The following PRPF8 variants were observed in gnomAD, a reference collection of about 807,000 sequenced individuals.
PRPF8 encodes pre-mRNA-processing-splicing factor 8.
A neutral mutation model predicts 285.9 loss-of-function variants in PRPF8; 64 were observed. That is an observed-to-expected ratio of 0.22 (90% CI 0.18 to 0.28). The LOEUF (loss-of-function observed/expected upper bound fraction) is 0.28, where lower values mean the gene tolerates loss of function less well. PRPF8 is among the 10% of genes least tolerant of loss of function. PRPF8 has a pLI of 1.00. For missense variants in PRPF8, 1,426 were observed against 3,026.7 expected (o/e 0.47, Z 12.41); for synonymous variants, 1,325 against 1,118.2 (o/e 1.18, Z -3.69).
rs774599274 is a variant in PRPF8 at position 1,676,381 on chromosome 17, G to A, written c.2389-11C>T. 8 of 1,614,076 alleles carry A rather than the reference G, an allele frequency of 5.0e-6. 1 individual carries two copies. The South Asian group carries it at 8.8e-5, about 18-fold the overall frequency. Reference sequence around the variant, plus strand: ...GATGTAAGGCCCGTCCTGTAAGGTGGACATGAAATTAGCCTCCCGCTACAG... The same window carrying A: ...GATGTAAGGCCCGTCCTGTAAGGTGAACATGAAATTAGCCTCCCGCTACAG... On this transcript the variant is annotated splice_polypyrimidine_tract_variant and intron_variant, in intron 16 of 42. Coordinates refer to ENST00000304992, the MANE Select transcript of PRPF8 (RefSeq NM_006445.4). This position sits in a 1 kb window ranked among gnomAD's most constrained non-coding sequence, Gnocchi z 6.3.
intron 24 of PRPF8, among the ~76,000 whole-genome samples, chr17:1,665,760 CG>C (rs894294847): frequency 2.0e-5 from 3 of 147,874 alleles, no homozygotes; most frequent in African/African-American, 7.6e-5. Flanking sequence ...GCAGGAGAAT[CG>C]CTTGAACTCA....
At chr17:1,660,965 G>C in intron 28 of PRPF8, 28 bp downstream of exon 28, 1 of 1,613,190 alleles carries the variant, frequency 6.2e-7, no homozygotes, top group Non-Finnish European at 8.5e-7. Flanking sequence ...GGTTGTGACA[G>C]GTCCCTCTAA....
At chr17:1,666,393 A>G (rs1188699249) in intron 24 of PRPF8, among the ~76,000 whole-genome samples, 1 of 151,912 alleles carries the variant, frequency 6.6e-6, no homozygotes, top group African/African-American at 2.4e-5. Flanking sequence ...TCCAAAATAC[A>G]AAGAAAAATC....
rs993874202 is a variant in PRPF8 at position 1,650,938 on chromosome 17, T to C, written c.6872A>G (p.Asn2291Ser). The change falls in exon 43 of 43, where the codon AAC becomes AGC. Residue 2291 changes from asparagine to serine, a missense_variant. By Grantham distance (46) the Asn-to-Ser change is conservative (BLOSUM62 1). This residue lies in a region of PRPF8 where 59 missense variants were observed against 58.6 expected (regional missense o/e 1.01). Coordinates refer to ENST00000304992, the MANE Select transcript of PRPF8 (RefSeq NM_006445.4). ...YNFMGVRHDP[N>S]MKYELQLANP... The stretch of plus-strand genomic sequence containing the variant: ...CGCCAGCTGTAGCTCATATTTCATG[T>C]TGGGGTCATGCCGAACACCTTCGGG... 8 of 1,614,164 alleles carry C rather than the reference T, an allele frequency of 5.0e-6. No homozygotes were observed. Among genetic ancestry groups the C allele is most frequent in the Admixed American group, 3.3e-5 (2 of 60,026 alleles).
In PRPF8 at chr17:1,661,668, G is replaced by T; in HGVS notation, c.4145C>A (p.Ser1382Tyr). The T allele has an allele frequency of 2.5e-6, 4 of 1,614,084 alleles. No individual in the cohort carries two copies. The highest frequency in any genetic ancestry group is 3.4e-6 in the Non-Finnish European group (4 of 1,180,024). Residue 1382 changes from serine (S) to tyrosine (Y), a missense_variant, in exon 26 of 43, where the codon TCT (serine) becomes TAT (tyrosine). By Grantham distance (144) the Ser-to-Tyr change is moderately radical. Transcript: ENST00000304992. This position sits in a 1 kb window ranked among gnomAD's most constrained non-coding sequence, Gnocchi z 7.3. ...IQPWESEFID[S>Y]QRVWAEYALK... ...TGCGTACTCAGCCCAGACCCGCTGA[G>T]AATCAATGAACTCGCTCTCCCATGG...
Position 1,674,623 on chromosome 17 carries a change from T to C in PRPF8, c.3118A>G (p.Ile1040Val), listed in dbSNP as rs749932316. 3.7e-6 allele frequency: 6 copies of C among 1,614,026 alleles called. No homozygotes were observed. The Admixed American group carries it at 5.0e-5, about 13-fold the overall frequency. Reference sequence around the variant, plus strand: ...ATCACCAGGCCATAATACTGCACGATGAATGAGGCAAACTGCAGGCCTCTG... The same window carrying C: ...ATCACCAGGCCATAATACTGCACGACGAATGAGGCAAACTGCAGGCCTCTG... ...IIRGLQFASFIVQYYGLVMDL... is the reference protein window; with the variant it reads ...IIRGLQFASFVVQYYGLVMDL... The change falls in exon 21 of 43, where the codon ATC becomes GTC. Residue 1040 changes from isoleucine (I) to valine (V), a missense_variant. Ile to Val is a conservative substitution (Grantham distance 29). Around this residue, in one of 34 missense-constraint regions of PRPF8, gnomAD observed 32 missense variants for 89.2 expected, o/e 0.36. Transcript: ENST00000304992.
chr17:1,665,980 G>GTCTGCGTGTTACTACAGAC (rs1911956061), intron 24 of PRPF8, among the ~76,000 whole-genome samples: 1 of 87,092 alleles, frequency 1.1e-5, no homozygotes, highest in East Asian at 3.6e-4. Context: ...TCGCAAACAC[G>GTCTGCGTGTTACTACAGAC]GTGAAACCGC....
chr17:1,661,437 C>T lies in PRPF8; in HGVS notation c.4203-31G>A, dbSNP rs775250538. On this transcript the variant is annotated intron_variant, in intron 26 of 42. Coordinates refer to ENST00000304992, the MANE Select transcript of PRPF8 (RefSeq NM_006445.4). This position sits in a 1 kb window ranked among gnomAD's most constrained non-coding sequence, Gnocchi z 7.3. Reference sequence around the variant, plus strand: ...AAAAAAAGAAAGATTCAAGTCAAAACGTGATCTCATATGAGGAGCTCAGCA... The same window carrying T: ...AAAAAAAGAAAGATTCAAGTCAAAATGTGATCTCATATGAGGAGCTCAGCA... 1.1e-5 allele frequency: 17 copies of T among 1,613,928 alleles called. No homozygotes were observed. Among genetic ancestry groups the T allele is most frequent in the South Asian group, 5.5e-5 (5 of 91,094 alleles).
At position 1,673,437 on chromosome 17, in the gene PRPF8, C is replaced by T. The variant is rs1221014181; in HGVS notation, c.3577G>A (p.Glu1193Lys). 4 of 1,614,162 alleles carry T rather than the reference C, an allele frequency of 2.5e-6. No homozygotes were observed. The highest frequency in any genetic ancestry group is 3.3e-5 in the Admixed American group (2 of 60,016). Residue 1193 changes from glutamate (E) to lysine (K), a missense_variant, in exon 23 of 43, where the codon GAG (glutamate) becomes AAG (lysine). By Grantham distance (56) the Glu-to-Lys change is moderately conservative. Transcript: ENST00000304992. This position sits in a 1 kb window ranked among gnomAD's most constrained non-coding sequence, Gnocchi z 5.5. ...CGGCACTTAGGCAGGATGCGGCACTCGAAGCCACACATGTTGAACAGCAGG... is the reference window on the plus strand; with the variant it reads ...CGGCACTTAGGCAGGATGCGGCACTTGAAGCCACACATGTTGAACAGCAGG... The part of the protein sequence containing the change: ...PNLLFNMCGF[E>K]CRILPKCRTS...
rs375792310 is a variant in PRPF8, at chr17:1,651,136, G to A, written c.6825C>T (p.Ala2275=). 6 of 1,614,154 alleles carry A rather than the reference G, an allele frequency of 3.7e-6. No homozygotes were observed. The African/African-American group carries it at 8.0e-5, about 22-fold the overall frequency. ...DRFLGFFMVP[A]QSSWNYNFMG... ...TGAAGTTGTAGTTCCACGAGGACTGGGCAGGGACCATGAAGAAGCCAAGGA... is the reference window on the plus strand; with the variant it reads ...TGAAGTTGTAGTTCCACGAGGACTGAGCAGGGACCATGAAGAAGCCAAGGA... The change falls in exon 42 of 43, where the codon GCC becomes GCT. Residue 2275 remains alanine, a synonymous_variant. Transcript: ENST00000304992. This position sits in a 1 kb window ranked among gnomAD's most constrained non-coding sequence, Gnocchi z 5.1.
intron 6 of PRPF8, among the ~76,000 whole-genome samples, 185 bp downstream of exon 6, chr17:1,681,293 T>C (rs1270804222): frequency 1.3e-5 from 2 of 152,198 alleles, no homozygotes; most frequent in East Asian, 3.9e-4. Context: ...TTTGCCCAGA[T>C]TGGTCTCAAA....
chr17:1,683,859 T>C (rs971504483), intron 2 of PRPF8, among the ~76,000 whole-genome samples, 158 bp from the exon 3 acceptor site: 4 of 151,940 alleles, frequency 2.6e-5, no homozygotes, highest in African/African-American at 9.7e-5. Flanking sequence ...TACTCTGTTT[T>C]TCCTTTCATC....
At chr17:1,684,369 G>A in intron 2 of PRPF8, 103 bp downstream of exon 2, 1 of 1,121,192 alleles carries the variant, frequency 8.9e-7, no homozygotes, top group Non-Finnish European at 1.3e-6. Flanking sequence ...CAAGGGAGCT[G>A]ACACCTCAGG....
rs147941247 is a variant in PRPF8, at chr17:1,650,800, G to T, written c.*2C>A. The stretch of plus-strand genomic sequence containing the variant: ...AGGCTGAAGCAGGAGGCAGGGAAAC[G>T]GTCAGGCATACAGGTCCTCCCGATC... On this transcript the variant is annotated 3_prime_UTR_variant, in exon 43 of 43. Transcript: ENST00000304992. 3 of 1,613,748 alleles carry T rather than the reference G, an allele frequency of 1.9e-6. No individual in the cohort carries two copies. In the African/African-American group the frequency reaches 4.0e-5, roughly 22 times the overall value.
rs544035472 is a variant in PRPF8 at position 1,683,616 on chromosome 17, G to A, written c.186C>T (p.Pro62=). ...GAATGATCTTCCTGACATGTTCTGG[G>A]GGCATGTCTTCCTTCTGGGCATCCA... is the stretch of plus-strand genomic sequence containing the variant. ...GFVDAQKEDM[P]PEHVRKIIRD... Residue 62 remains proline (P), a synonymous_variant, in exon 3 of 43, where the codon CCC becomes CCT. Transcript: ENST00000304992. 28 of 1,614,108 alleles carry A rather than the reference G, an allele frequency of 1.7e-5. No homozygotes were observed. The highest frequency in any genetic ancestry group is 5.3e-5 in the African/African-American group (4 of 75,002).
chr17:1,674,684 G>GA lies in PRPF8; in HGVS notation c.3061-5dup, dbSNP rs753646488. On this transcript the variant is annotated splice_polypyrimidine_tract_variant and splice_region_variant and intron_variant, in intron 20 of 42. Coordinates refer to ENST00000304992, the MANE Select transcript of PRPF8 (RefSeq NM_006445.4). ...ATGAATTCGTATGGTTCATGTCCTA[G>GA]AAAGAAAGAACTACAATTCTTAAGA... The GA allele has an allele frequency of 6.2e-7, 1 of 1,611,702 alleles. No homozygotes were observed. Among genetic ancestry groups the GA allele is most frequent in the Non-Finnish European group, 8.5e-7 (1 of 1,178,000 alleles).
At chr17:1,660,654 G>C (rs1205729567) in intron 29 of PRPF8, 44 bp downstream of exon 29, 30 of 1,614,088 alleles carry the variant, frequency 1.9e-5, no homozygotes, top group Middle Eastern at 1.6e-4. Context: ...GCAAGAAGCA[G>C]CAACTGTCTT....
rs756839598 is a variant in PRPF8 at position 1,661,809 on chromosome 17, A to G, written c.4023-19T>C. ...GGACCACCTGTTTGGGTGTACAACC[A>G]AGATTACAGAAAAAATAAAGCCTAA... On this transcript the variant is annotated intron_variant, in intron 25 of 42. Transcript: ENST00000304992. This position sits in a 1 kb window ranked among gnomAD's most constrained non-coding sequence, Gnocchi z 7.3. 6.2e-7 allele frequency: 1 copy of G among 1,614,186 alleles called. No homozygotes were observed. Among genetic ancestry groups the G allele is most frequent in the South Asian group, 1.1e-5 (1 of 91,084 alleles).
chr17:1,669,391 C>T (rs960138079), intron 24 of PRPF8, among the ~76,000 whole-genome samples: 1 of 152,222 alleles, frequency 6.6e-6, no homozygotes, highest in African/African-American at 2.4e-5. Context: ...GGGCGTGAGC[C>T]ACTGTGTCCA....
Sources: allele counts gnomAD v4.1 joint callset (sites outside exome capture counted in the v4.1 genomes callset), GRCh38; gene constraint gnomAD v4.1.1; regional missense constraint gnomAD v4.1.1; non-coding constraint Gnocchi (gnomAD v3.1); transcripts MANE v1.5; gene names NCBI Gene and HGNC (gene_info 2026-07-23, HGNC 2026-07-21).